Variants in SAMD9L observed in about 807,000 individuals in gnomAD.
SAMD9L encodes the protein sterile alpha motif domain containing 9 like, also known as sterile alpha motif domain-containing protein 9-like.
A neutral mutation model predicts 90.7 loss-of-function variants in SAMD9L; 68 were observed. That is an observed-to-expected ratio of 0.75 (90% confidence interval 0.62 to 0.92). The LOEUF (loss-of-function observed/expected upper bound fraction) is 0.92, where lower values mean the gene tolerates loss of function less well. Among genes scored for constraint, SAMD9L ranks in the 40% least tolerant of loss-of-function variants. SAMD9L has a pLI of 0.00. For synonymous variants in SAMD9L, 640 were observed against 630.1 expected, an observed-to-expected ratio of 1.02 and a Z score of -0.23; for missense variants, 1,604 against 1,824.3, an observed-to-expected ratio of 0.88 and a Z score of 2.20.
Position 93,131,769 on chromosome 7 carries a change from T to C in SAMD9L, c.4203A>G (p.Gln1401=). 1 of 1,613,664 alleles carries C rather than the reference T, an allele frequency of 6.2e-7. No individual in the cohort carries two copies. Among genetic ancestry groups the C allele is most frequent in the Non-Finnish European group, 8.5e-7 (1 of 1,179,814 alleles). Reference sequence around the variant, plus strand: ...GTTGTTTTTTTAGCGTGGTAAGTGGTTGAATTAACTTGGAGTTGGGCTTTA... The same window carrying C: ...GTTGTTTTTTTAGCGTGGTAAGTGGCTGAATTAACTTGGAGTTGGGCTTTA... ...SCLKPNSKLI[Q]PLTTLKKQLR... is the part of the protein sequence containing the mutation. The change falls in exon 5 of 5, where the codon CAA becomes CAG. Residue 1401 remains glutamine, a synonymous_variant. Transcript: ENST00000318238.
intron 4 of SAMD9L, among the ~76,000 whole-genome samples, chr7:93,141,059 G>T (rs1463959940): frequency 6.6e-6 from 1 of 152,168 alleles, no homozygotes; most frequent in Non-Finnish European, 1.5e-5. Context: ...CACTAAAATT[G>T]CACTTGGTAT....
chr7:93,143,835 G>C (rs1028149300), intron 4 of SAMD9L, among the ~76,000 whole-genome samples: 1 of 152,112 alleles, frequency 6.6e-6, no homozygotes, highest in Admixed American at 6.5e-5. Flanking sequence ...TTTAATTCAG[G>C]TGACAGTGAT....
chr7:93,131,302 C>T lies in SAMD9L; in HGVS notation c.4670G>A (p.Arg1557Lys). 1 of 1,612,826 alleles carries T rather than the reference C, an allele frequency of 6.2e-7. No individual in the cohort carries two copies. Among genetic ancestry groups the T allele is most frequent in the Non-Finnish European group, 8.5e-7 (1 of 1,179,402 alleles). ...PVISVYSGPL[R>K]SGRNIERVSF... ...CACTCTTTCTATGTTCCTACCACTT[C>T]TGAGTGGACCTGAATAAACAGATAT... The change falls in exon 5 of 5, where the codon AGA becomes AAA. Residue 1557 changes from arginine to lysine, a missense_variant. Physicochemically the swap from Arg to Lys is conservative, Grantham distance 26. Transcript: ENST00000318238.
Position 93,135,850 on chromosome 7 carries a change from T to C in SAMD9L, c.122A>G (p.Glu41Gly), listed in dbSNP as rs1342622702. 4 of 1,613,916 alleles carry C rather than the reference T, an allele frequency of 2.5e-6. No homozygotes were observed. The African/African-American group carries it at 5.3e-5, about 22-fold the overall frequency. Residue 41 changes from glutamate (E) to glycine (G), a missense_variant, in exon 5 of 5, where the codon GAA (glutamate) becomes GGA (glycine). Transcript: ENST00000318238. Reference protein sequence around the residue: ...EQYGQILLSEEVTGLVLQELT... With the variant: ...EQYGQILLSEGVTGLVLQELT... Reference sequence around the variant, plus strand: ...TTCCTGCAGGACTAATCCTGTTACTTCTTCACTGAGCAGAATTTGCCCGTA... The same window carrying C: ...TTCCTGCAGGACTAATCCTGTTACTCCTTCACTGAGCAGAATTTGCCCGTA...
Position 93,134,158 on chromosome 7 carries a change from G to T in SAMD9L, c.1814C>A (p.Thr605Lys), listed in dbSNP as rs1792295840. 1 of 1,613,656 alleles carries T rather than the reference G, an allele frequency of 6.2e-7. No homozygotes were observed. The highest frequency in any genetic ancestry group is 8.5e-7 in the Non-Finnish European group (1 of 1,179,810). Residue 605 changes from threonine (T) to lysine (K), a missense_variant, in exon 5 of 5, where the codon ACA (threonine) becomes AAA (lysine). Coordinates refer to ENST00000318238, the MANE Select transcript of SAMD9L (RefSeq NM_152703.5). ...ATTTAAAGTGGAAATACTGTGGTTT[G>T]TTAGTTCATCTTCCATCTTCATTCT... Reference protein sequence around the residue: ...QTRMKMEDELTNHSISTLNIE... With the variant: ...QTRMKMEDELKNHSISTLNIE...
In SAMD9L at chr7:93,132,647, C is replaced by T; in HGVS notation, c.3325G>A (p.Ala1109Thr). 1 of 1,613,696 alleles carries T rather than the reference C, an allele frequency of 6.2e-7. No individual in the cohort carries two copies. The highest frequency in any genetic ancestry group is 8.5e-7 in the Non-Finnish European group (1 of 1,179,774). The change falls in exon 5 of 5, where the codon GCC (alanine) becomes ACC (threonine). Residue 1109 changes from alanine (A) to threonine (T), a missense_variant. Ala to Thr is a moderately conservative substitution (Grantham distance 58). Coordinates refer to ENST00000318238, the MANE Select transcript of SAMD9L (RefSeq NM_152703.5). ...FNTALDWARQ[A>T]KMKAPKNSYI... ...GAATTTTTAGGTGCTTTCATTTTGG[C>T]CTGACGTGCCCAGTCCAGAGCTGTG...
At position 93,134,751 on chromosome 7, in the gene SAMD9L, G is replaced by C. The variant is rs1276603654; in HGVS notation, c.1221C>G (p.Asp407Glu). 6.2e-7 allele frequency: 1 copy of C among 1,613,182 alleles called. No individual in the cohort carries two copies. Among genetic ancestry groups the C allele is most frequent in the Non-Finnish European group, 8.5e-7 (1 of 1,179,946 alleles). The change falls in exon 5 of 5, where the codon GAC (aspartate) becomes GAG (glutamate). Residue 407 changes from aspartate (D) to glutamate (E), a missense_variant. By Grantham distance (45) the Asp-to-Glu change is conservative. Around this residue, in one of 7 missense-constraint regions of SAMD9L, gnomAD observed 606 missense variants for 717.6 expected, o/e 0.84. Transcript: ENST00000318238. ...AGTCATAGTATGAATTATCCAGTGA[G>C]TCTCGGTTTCCTATGAGAAGTTTAA... ...KLVKLLIGNRDSLDNSYYDWY... is the reference protein window; with the variant it reads ...KLVKLLIGNRESLDNSYYDWY...
At position 93,134,523 on chromosome 7, in the gene SAMD9L, C is replaced by A; in HGVS notation, c.1449G>T (p.Lys483Asn). ...GTTGGTAAAGATTAAGAGTAGAAAT[C>A]TTCTCCCACATGTTAGTTGTCTTGT... The part of the protein sequence containing the change: ...YEDKTTNMWE[K>N]ISTLNLYQQP... The change falls in exon 5 of 5, where the codon AAG (lysine) becomes AAT (asparagine). Residue 483 changes from lysine to asparagine, a missense_variant. Physicochemically the swap from Lys to Asn is moderately conservative, Grantham distance 94. Around this residue, in one of 7 missense-constraint regions of SAMD9L, gnomAD observed 606 missense variants for 717.6 expected, o/e 0.84. Transcript: ENST00000318238. 4 of 1,613,908 alleles carry A rather than the reference C, an allele frequency of 2.5e-6. No homozygotes were observed. The highest frequency in any genetic ancestry group is 2.5e-6 in the Non-Finnish European group (3 of 1,179,906).
In SAMD9L at chr7:93,131,232, A is replaced by G. The variant is rs751176726; in HGVS notation, c.4740T>C (p.Asp1580=). ...GFSIEGPLAY[D]IEVI is the part of the protein sequence containing the mutation. ...ATGTATTGTCTTAAATTACTTCTATATCATATGCCAGAGGGCCTTCAATGG... is the reference window on the plus strand; with the variant it reads ...ATGTATTGTCTTAAATTACTTCTATGTCATATGCCAGAGGGCCTTCAATGG... The change falls in exon 5 of 5, where the codon GAT becomes GAC. Residue 1580 remains aspartate (D), a synonymous_variant. Transcript: ENST00000318238. 1.9e-6 allele frequency: 3 copies of G among 1,549,220 alleles called. No homozygotes were observed. Among genetic ancestry groups the G allele is most frequent in the Non-Finnish European group, 2.6e-6 (3 of 1,151,238 alleles).
chr7:93,131,585 A>G lies in SAMD9L; in HGVS notation c.4387T>C (p.Tyr1463His). 1 of 1,613,968 alleles carries G rather than the reference A, an allele frequency of 6.2e-7. No homozygotes were observed. The change falls in exon 5 of 5, where the codon TAC (tyrosine) becomes CAC (histidine). Residue 1463 changes from tyrosine (Y) to histidine (H), a missense_variant. This residue lies in a region of SAMD9L where 282 missense variants were observed against 329.6 expected (regional missense o/e 0.86). Transcript: ENST00000318238. ...TGCTTGGACCTGCACATGCGCTTGT[A>G]CTGTCCCCTGAAGGATCTATTTAAG... ...SSLNRSFRGQYKRMCRSKQAS... is the reference protein window; with the variant it reads ...SSLNRSFRGQHKRMCRSKQAS...
At chr7:93,139,728 G>A (rs1425085768) in intron 4 of SAMD9L, among the ~76,000 whole-genome samples, 1 of 152,112 alleles carries the variant, frequency 6.6e-6, no homozygotes, top group Non-Finnish European at 1.5e-5. Flanking sequence ...GGCAGCTCTA[G>A]CCAATAAATA....
At chr7:93,137,908 T>C (rs1386306168) in intron 4 of SAMD9L, among the ~76,000 whole-genome samples, 2 of 152,066 alleles carry the variant, frequency 1.3e-5, no homozygotes, top group African/African-American at 2.4e-5. Flanking sequence ...AGCCCTGTGA[T>C]TGGCCACAGA....
chr7:93,131,268 G>A lies in SAMD9L; in HGVS notation c.4704C>T (p.Tyr1568=), dbSNP rs1442736189. The A allele has an allele frequency of 1.3e-6, 2 of 1,599,918 alleles. No individual in the cohort carries two copies. Among genetic ancestry groups the A allele is most frequent in the Non-Finnish European group, 1.7e-6 (2 of 1,174,542 alleles). The part of the protein sequence containing the change: ...SGRNIERVSF[Y]LGFSIEGPLA... Reference sequence around the variant, plus strand: ...GAGGGCCTTCAATGGAAAATCCTAGGTAGAAAGACACTCTTTCTATGTTCC... The same window carrying A: ...GAGGGCCTTCAATGGAAAATCCTAGATAGAAAGACACTCTTTCTATGTTCC... The change falls in exon 5 of 5, where the codon TAC becomes TAT. Residue 1568 remains tyrosine, a synonymous_variant. Transcript: ENST00000318238.
chr7:93,132,143 G>C lies in SAMD9L; in HGVS notation c.3829C>G (p.Leu1277Val). ...CFDFFIDYMVLLKMRYTQKEI... is the reference protein window; with the variant it reads ...CFDFFIDYMVVLKMRYTQKEI... ...TTTTGGGTATACCTCATTTTCAGAA[G>C]AACCATATAATCAATAAAAAAGTCA... The change falls in exon 5 of 5, where the codon CTT (leucine) becomes GTT (valine). Residue 1277 changes from leucine to valine, a missense_variant. Leu to Val is a conservative substitution (Grantham distance 32). This residue lies in a region of SAMD9L where 302 missense variants were observed against 314.7 expected (regional missense o/e 0.96). Transcript: ENST00000318238. 6.2e-7 allele frequency: 1 copy of C among 1,612,778 alleles called. No individual in the cohort carries two copies. Among genetic ancestry groups the C allele is most frequent in the Non-Finnish European group, 8.5e-7 (1 of 1,179,638 alleles).
rs1026060866 is a variant in SAMD9L at position 93,145,636 on chromosome 7, A to G, written c.-374T>C. On this transcript the variant is annotated 5_prime_UTR_variant, in exon 3 of 5. Transcript: ENST00000318238. ...ATATCACAACCAATTAAAATGCAAT[A>G]GACTGGACTGCTGCTGAGGAAATGT... 1 of 152,242 alleles carries G rather than the reference A, an allele frequency of 6.6e-6. No homozygotes were observed. Among genetic ancestry groups the G allele is most frequent in the Non-Finnish European group, 1.5e-5 (1 of 68,040 alleles). The allele number at this position is 152,242 out of a possible 1,614,324, so 9.4% of individuals were successfully genotyped here. A position where few individuals can be genotyped will look rare whatever the true frequency, so the allele number is the denominator to read the frequency against.
Position 93,135,048 on chromosome 7 carries a change from A to G in SAMD9L, c.924T>C (p.Asp308=), listed in dbSNP as rs1256641878. The change falls in exon 5 of 5, where the codon GAT becomes GAC. Residue 308 remains aspartate, a synonymous_variant. Coordinates refer to ENST00000318238, the MANE Select transcript of SAMD9L (RefSeq NM_152703.5). ...TACATATAGAGTGTTTTGGAATAGT[A>G]TCAACTTCAATGACAAATCTGTCAG... The part of the protein sequence containing the change: ...TPSDRFVIEV[D]TIPKHSICND... 1.9e-6 allele frequency: 3 copies of G among 1,612,872 alleles called. No individual in the cohort carries two copies. The highest frequency in any genetic ancestry group is 2.2e-5 in the East Asian group (1 of 44,868).
At position 93,133,686 on chromosome 7, in the gene SAMD9L, G is replaced by A. The variant is rs746907720; in HGVS notation, c.2286C>T (p.Phe762=). Reference sequence around the variant, plus strand: ...TCTTGTTTTTTAACACAGCACATCTGAAGTTTTTCTTTAAGTCCCAGAGAA... The same window carrying A: ...TCTTGTTTTTTAACACAGCACATCTAAAGTTTTTCTTTAAGTCCCAGAGAA... ...MHVLWDLKKN[F]RCAVLKNKTT... Residue 762 remains phenylalanine, a synonymous_variant, in exon 5 of 5, where the codon TTC becomes TTT. Transcript: ENST00000318238. The A allele has an allele frequency of 1.3e-5, 21 of 1,613,422 alleles. No individual in the cohort carries two copies. In the South Asian group the frequency reaches 2.1e-4, roughly 16 times the overall value.
At position 93,132,731 on chromosome 7, in the gene SAMD9L, T is replaced by C. The variant is rs781585275; in HGVS notation, c.3241A>G (p.Asn1081Asp). 17 of 1,613,736 alleles carry C rather than the reference T, an allele frequency of 1.1e-5. No individual in the cohort carries two copies. Among genetic ancestry groups the C allele is most frequent in the Non-Finnish European group, 1.4e-5 (17 of 1,179,824 alleles). ...LSAGSRRFPQ[N>D]AFICQALARH... ...GCTAAGGCTTGACAAATGAATGCATTTTGTGGGAATCGTCTACTTCCTGCA... is the reference window on the plus strand; with the variant it reads ...GCTAAGGCTTGACAAATGAATGCATCTTGTGGGAATCGTCTACTTCCTGCA... The change falls in exon 5 of 5, where the codon AAT (asparagine) becomes GAT (aspartate). Residue 1081 changes from asparagine to aspartate, a missense_variant. Coordinates refer to ENST00000318238, the MANE Select transcript of SAMD9L (RefSeq NM_152703.5).
chr7:93,139,588 G>T (rs1410928213), intron 4 of SAMD9L, among the ~76,000 whole-genome samples: 2 of 152,178 alleles, frequency 1.3e-5, no homozygotes, highest in East Asian at 3.9e-4. Context: ...TGAGAGGCAT[G>T]GAAGAAATTC....
Sources: allele counts gnomAD v4.1 joint callset (sites outside exome capture counted in the v4.1 genomes callset), GRCh38; gene constraint gnomAD v4.1.1; regional missense constraint gnomAD v4.1.1; transcripts MANE v1.5; gene names NCBI Gene and HGNC (gene_info 2026-07-23, HGNC 2026-07-21).